Variants in MAPK6 observed in about 807,000 individuals in gnomAD.
MAPK6 encodes the protein ERK-3.
A neutral mutation model predicts 59.3 loss-of-function variants in MAPK6; 19 were observed. The ratio of observed to expected loss-of-function variants is 0.32; its 90% confidence interval spans 0.22 to 0.47. The LOEUF is 0.47. Among genes scored for constraint, MAPK6 ranks in the 20% least tolerant of loss-of-function variants. The pLI is 1.00. For missense variants in MAPK6, 724 were observed against 847.9 expected (o/e 0.85, Z 1.81); for synonymous variants, 316 against 290.3 (o/e 1.09, Z -0.90).
intron 1 of MAPK6, among the ~76,000 whole-genome samples, chr15:52,023,196 A>T (rs141585228): frequency 1.8e-3 from 278 of 152,262 alleles, no homozygotes; most frequent in East Asian, 0.012. Context: ...GCTTTATGAA[A>T]TGCTGAGCCT....
At chr15:52,048,907 GGGTAGAGCACTGTATCCACAGTGAAGTA>G (rs2031684255) in intron 2 of MAPK6, among the ~76,000 whole-genome samples, 1 of 70,254 alleles carries the variant, frequency 1.4e-5, no homozygotes, top group South Asian at 4.1e-4. Flanking sequence ...GAAATATTGT[GGGTAGAGCACTGTATCCACAGTGAAGTA>G]TTGTGGATAG....
chr15:52,029,103 T>C (rs2030927701), intron 1 of MAPK6, among the ~76,000 whole-genome samples: 1 of 152,238 alleles, frequency 6.6e-6, no homozygotes, highest in Non-Finnish European at 1.5e-5. Context: ...AGTGGCGCAA[T>C]ATTGGCTCAC....
At position 51,993,346 on chromosome 15, in the gene MAPK6, A is replaced by T. The variant is rs1172149362; in HGVS notation, c.-770+10031A>T. Among the ~76,000 whole-genome samples the T allele has an allele frequency of 5.9e-5, 9 of 152,268 alleles. No homozygotes were observed. The East Asian group carries it at 1.7e-3, about 29-fold the overall frequency. On this transcript the variant is annotated intron_variant, in intron 2 of 7. Transcript: ENST00000691380. Reference sequence around the variant, plus strand: ...TCAGGAAATTAGAAGGGTTTTTAGGAGCGCTACATCAGGAACTGCAAATGA... The same window carrying T: ...TCAGGAAATTAGAAGGGTTTTTAGGTGCGCTACATCAGGAACTGCAAATGA...
At chr15:52,011,620 G>A (rs2030060941) in intron 3 of MAPK6, among the ~76,000 whole-genome samples, 1 of 152,202 alleles carries the variant, frequency 6.6e-6, no homozygotes, top group Admixed American at 6.5e-5. Flanking sequence ...TTCACTGGCT[G>A]ATGAGAATGT....
At chr15:52,025,598 C>A (rs1364902146) in intron 1 of MAPK6, among the ~76,000 whole-genome samples, 1 of 152,032 alleles carries the variant, frequency 6.6e-6, no homozygotes, top group African/African-American at 2.4e-5. Context: ...GTCAGGAGAT[C>A]GAGACCATCC....
intron 2 of MAPK6, among the ~76,000 whole-genome samples, chr15:51,989,967 C>A (rs1771903490): frequency 6.6e-6 from 1 of 152,146 alleles, no homozygotes; most frequent in South Asian, 2.1e-4. Flanking sequence ...CTACTAGAGA[C>A]AAATACAAGT....
intron 2 of MAPK6, among the ~76,000 whole-genome samples, chr15:52,003,347 G>C (rs2057248367): frequency 6.6e-6 from 1 of 152,162 alleles, no homozygotes; most frequent in Non-Finnish European, 1.5e-5. Context: ...ATTACAATTT[G>C]AGATGAGATT....
chr15:52,061,535 C>G (rs1195093024), intron 5 of MAPK6, 35 bp downstream of exon 5: 2 of 1,510,360 alleles, frequency 1.3e-6, no homozygotes, highest in Non-Finnish European at 1.8e-6. Context: ...ATAATATTTA[C>G]TGAACTTTCA....
chr15:52,003,499 G>T (rs2057248841), intron 2 of MAPK6, among the ~76,000 whole-genome samples: 1 of 152,210 alleles, frequency 6.6e-6, no homozygotes, highest in Non-Finnish European at 1.5e-5. Context: ...GGAAATGGTA[G>T]CTGACAGCTG....
chr15:52,031,419 T>A (rs2031029808), intron 1 of MAPK6, among the ~76,000 whole-genome samples: 1 of 152,246 alleles, frequency 6.6e-6, no homozygotes, highest in Non-Finnish European at 1.5e-5. Flanking sequence ...TTTTAAGTTC[T>A]CTAAAATAAA....
At chr15:51,980,766 T>C (rs940234536) in intron 1 of MAPK6, among the ~76,000 whole-genome samples, 1 of 151,044 alleles carries the variant, frequency 6.6e-6, no homozygotes, top group Non-Finnish European at 1.5e-5. Flanking sequence ...AAATTTTATA[T>C]TTTTTAGTAG....
chr15:52,037,656 C>G (rs1595989705), intron 1 of MAPK6, among the ~76,000 whole-genome samples: 1 of 152,128 alleles, frequency 6.6e-6, no homozygotes, highest in South Asian at 2.1e-4. Flanking sequence ...GTTGGCAGAC[C>G]TGTGCATTCG....
At chr15:51,992,376 A>G (rs2057212589) in intron 2 of MAPK6, among the ~76,000 whole-genome samples, 2 of 147,902 alleles carry the variant, frequency 1.4e-5, no homozygotes, top group African/African-American at 5.0e-5. Flanking sequence ...ATCTCGGCTC[A>G]CTGCAAGCTC....
At chr15:52,055,600 C>T (rs1456599105) in intron 3 of MAPK6, among the ~76,000 whole-genome samples, 2 of 152,160 alleles carry the variant, frequency 1.3e-5, no homozygotes, top group African/African-American at 4.8e-5. Context: ...ACTGAAACCT[C>T]CTCCTCCCGG....
At chr15:52,031,610 C>T (rs1292893495) in intron 1 of MAPK6, among the ~76,000 whole-genome samples, 4 of 152,060 alleles carry the variant, frequency 2.6e-5, no homozygotes, top group African/African-American at 7.2e-5. Context: ...GTGGGAGGAT[C>T]GCTGGAGCCC....
intron 1 of MAPK6, among the ~76,000 whole-genome samples, chr15:52,026,911 A>G (rs1410899928): frequency 2.7e-5 from 4 of 150,208 alleles, no homozygotes; most frequent in African/African-American, 4.9e-5. Flanking sequence ...TTAGCTGAGT[A>G]TGGTGGTGCA....
intron 3 of MAPK6, chr15:52,011,046 T>C (rs2030041833): frequency 6.6e-6 from 1 of 152,206 alleles, no homozygotes; most frequent in Admixed American, 6.5e-5. Context: ...CTGAAACTTA[T>C]TTGTAACCTC....
chr15:52,051,869 C>CA (rs779400629), intron 3 of MAPK6, among the ~76,000 whole-genome samples: 3,066 of 84,120 alleles, frequency 0.036, 109 homozygotes, highest in African/African-American at 0.11. Flanking sequence ...GACTCTGTCT[C>CA]AAAAAAAAAA....
intron 1 of MAPK6, among the ~76,000 whole-genome samples, chr15:51,975,249 A>C (rs955910450): frequency 6.6e-6 from 1 of 151,816 alleles, no homozygotes; most frequent in Admixed American, 6.6e-5. Context: ...GTAATCAAAA[A>C]AATACTCAAC....
Sources: gnomAD v4.1 joint callset for allele counts (sites outside exome capture counted in the v4.1 genomes callset) on GRCh38, gnomAD v4.1.1 for gene constraint, MANE v1.5 for transcripts, NCBI Gene and HGNC (gene_info 2026-07-23, HGNC 2026-07-21) for gene names.